The following RAI2 variants were observed in gnomAD, a reference collection of about 807,000 sequenced individuals.
The protein encoded by RAI2 is retinoic acid-induced protein 2.
In RAI2, 5 loss-of-function variants were observed where a neutral mutation model predicts 15.3. The ratio of observed to expected loss-of-function variants is 0.33; its 90% confidence interval spans 0.17 to 0.69. The LOEUF (loss-of-function observed/expected upper bound fraction) is 0.69, where lower values mean the gene tolerates loss of function less well. Ranked by LOEUF, RAI2 falls within the 30% of genes least tolerant of loss-of-function variation. The pLI, the probability that RAI2 is intolerant of heterozygous loss-of-function variation, is 0.69. For missense variants in RAI2, 424 were observed against 424.7 expected, an observed-to-expected ratio of 1.00 and a Z score of 0.01; for synonymous variants, 191 against 184.0, an observed-to-expected ratio of 1.04 and a Z score of -0.31.
Position 17,801,491 on chromosome X carries a change from G to A in RAI2, c.520C>T (p.Pro174Ser), listed in dbSNP as rs754626303. The A allele has an allele frequency of 3.8e-5, 45 of 1,179,502 alleles. No individual in the cohort carries two copies. Among genetic ancestry groups the A allele is most frequent in the Non-Finnish European group, 4.9e-5 (43 of 881,799 alleles). Residue 174 changes from proline (P) to serine (S), a missense_variant, in exon 2 of 2, where the codon CCC becomes TCC. By Grantham distance (74) the Pro-to-Ser change is moderately conservative. Transcript: ENST00000451717. Reference protein sequence around the residue: ...AQPQLLDLRIPSQPQEPTLPF... With the variant: ...AQPQLLDLRISSQPQEPTLPF... ...AAAGTGGGCTCCTGCGGCTGGCTGG[G>A]GATCCTCAGGTCCAGGAGCTGGGGC...
chrX:17,802,634 C>T (rs139682996), intron 1 of RAI2, among the ~76,000 whole-genome samples: 5 of 111,812 alleles, frequency 4.5e-5, no homozygotes, highest in East Asian at 5.7e-4. Context: ...CAGCAAAATC[C>T]GTTCCCCAGG....
intron 1 of RAI2, among the ~76,000 whole-genome samples, chrX:17,819,288 A>C (rs1442599003): frequency 1.8e-5 from 2 of 112,604 alleles, no homozygotes; most frequent in African/African-American, 6.5e-5. Context: ...TTAAAAAACA[A>C]CTAAGCAACC....
chrX:17,820,366 G>T (rs2067151083), intron 1 of RAI2, among the ~76,000 whole-genome samples: 1 of 112,125 alleles, frequency 8.9e-6, no homozygotes, highest in Admixed American at 9.4e-5. Context: ...GACAACAATT[G>T]TGCTCAACTG....
intron 1 of RAI2, among the ~76,000 whole-genome samples, chrX:17,819,569 A>C (rs2067142622): frequency 8.9e-6 from 1 of 112,734 alleles, no homozygotes; most frequent in Non-Finnish European, 1.9e-5. Context: ...TGAGAACCAC[A>C]AAATGGAAGC....
chrX:17,803,111 C>T (rs912954358), intron 1 of RAI2, among the ~76,000 whole-genome samples: 3 of 111,497 alleles, frequency 2.7e-5, no homozygotes, highest in South Asian at 3.8e-4. Flanking sequence ...TTTTTTACCT[C>T]ATCTATCCCA....
chrX:17,805,536 A>C (rs1251987451), intron 1 of RAI2, among the ~76,000 whole-genome samples: 1 of 112,401 alleles, frequency 8.9e-6, no homozygotes, highest in Non-Finnish European at 1.9e-5. Context: ...GTTGGAGGGC[A>C]TCTCAGCACC....
intron 1 of RAI2, among the ~76,000 whole-genome samples, chrX:17,803,389 G>C (rs1205552122): frequency 9.1e-6 from 1 of 110,441 alleles, no homozygotes; most frequent in Admixed American, 9.6e-5. Context: ...AGCTGGGCAT[G>C]ATGTCGCACG....
chrX:17,830,495 T>G (rs192409364), intron 1 of RAI2, among the ~76,000 whole-genome samples: 3,685 of 111,125 alleles, frequency 0.033, 147 homozygotes, highest in African/African-American at 0.11. Context: ...TTGTTTTTTT[T>G]TTGTTGTTGT....
At chrX:17,856,621 ATGCCCATGTTTTGCGGTGC>A (rs2067610323) in intron 1 of RAI2, among the ~76,000 whole-genome samples, 1 of 112,680 alleles carries the variant, frequency 8.9e-6, no homozygotes, top group Non-Finnish European at 1.9e-5. Context: ...AAGGCAGACC[ATGCCCATGTTTTGCGGTGC>A]TGCCCCACAG....
intron 1 of RAI2, chrX:17,860,682 A>G (rs1228418738): frequency 8.9e-6 from 1 of 112,002 alleles, no homozygotes. Flanking sequence ...AGAACGGCAG[A>G]TCCGGAGACT....
intron 1 of RAI2, among the ~76,000 whole-genome samples, chrX:17,811,439 C>T (rs910829943): frequency 3.6e-5 from 4 of 112,254 alleles, no homozygotes; most frequent in Non-Finnish European, 5.6e-5. Context: ...TAAAGAGCTA[C>T]GGTTTTTGGA....
chrX:17,801,963 G>A lies in RAI2; in HGVS notation c.48C>T (p.Ser16=). 1 of 1,210,561 alleles carries A rather than the reference G, an allele frequency of 8.3e-7. No individual in the cohort carries two copies. The highest frequency in any genetic ancestry group is 3.0e-5 in the East Asian group (1 of 33,820). The change falls in exon 2 of 2, where the codon TCC becomes TCT. Residue 16 remains serine, a synonymous_variant. Coordinates refer to ENST00000451717, the MANE Select transcript of RAI2 (RefSeq NM_021785.6). ...SQNLSMDMTD[S]PPALANNRLE... ...GTCTGTTATTAGCCAAGGCAGGAGG[G>A]GAGTCAGTCATGTCCATGGAGAGGT...
At chrX:17,813,744 T>A (rs2067075221) in intron 1 of RAI2, among the ~76,000 whole-genome samples, 1 of 111,502 alleles carries the variant, frequency 9.0e-6, no homozygotes, top group Admixed American at 9.5e-5. Flanking sequence ...TTTAGCAGCA[T>A]CCAAAGTTGT....
intron 1 of RAI2, among the ~76,000 whole-genome samples, chrX:17,808,425 A>G (rs2067006229): frequency 9.0e-6 from 1 of 111,265 alleles, no homozygotes; most frequent in African/African-American, 3.3e-5. Flanking sequence ...ACTTAAAAAA[A>G]AAACCATGCC....
intron 1 of RAI2, among the ~76,000 whole-genome samples, chrX:17,842,809 A>G (rs942989439): frequency 8.9e-6 from 1 of 111,935 alleles, no homozygotes; most frequent in African/African-American, 3.3e-5. Context: ...TTTTATGATC[A>G]TAGAAAAACA....
chrX:17,801,418 A>T lies in RAI2; in HGVS notation c.593T>A (p.Leu198His). 1 of 1,157,132 alleles carries T rather than the reference A, an allele frequency of 8.6e-7. No homozygotes were observed. Among genetic ancestry groups the T allele is most frequent in the Admixed American group, 2.6e-5 (1 of 37,838 alleles). The change falls in exon 2 of 2, where the codon CTC becomes CAC. Residue 198 changes from leucine to histidine, a missense_variant. Coordinates refer to ENST00000451717, the MANE Select transcript of RAI2 (RefSeq NM_021785.6). ...AGGAGGCTGACAGGGTGGGGGCCCG[A>T]GAGTGCCCTGGGAGGGAAACAAATT... is the stretch of plus-strand genomic sequence containing the variant. ...LQNLFPSQGT[L>H]GPPPCQPPPG...
intron 1 of RAI2, among the ~76,000 whole-genome samples, chrX:17,823,505 C>T (rs1454989686): frequency 6.3e-5 from 7 of 111,522 alleles, no homozygotes; most frequent in African/African-American, 9.8e-5. Flanking sequence ...GCAAGATGTG[C>T]GGTGGAACAG....
chrX:17,824,128 A>T (rs906465385), intron 1 of RAI2, among the ~76,000 whole-genome samples: 5 of 113,072 alleles, frequency 4.4e-5, no homozygotes, highest in African/African-American at 1.6e-4. Flanking sequence ...ATACAGCTGC[A>T]TAGCAAATGT....
Position 17,800,054 on chromosome X carries a change from G to A in RAI2, c.*364C>T, listed in dbSNP as rs1372338211. ...TGATGAAATACTGCAACCAATTAGT[G>A]CAAACAAACATTTATTGTGAAATAT... On this transcript the variant is annotated 3_prime_UTR_variant, in exon 2 of 2. Transcript: ENST00000451717. 3 of 145,529 alleles carry A rather than the reference G, an allele frequency of 2.1e-5. No individual in the cohort carries two copies. Among genetic ancestry groups the A allele is most frequent in the African/African-American group, 9.3e-5 (3 of 32,103 alleles). The allele number at this position is 145,529 out of a possible 1,213,427, so 12.0% of individuals were successfully genotyped here.
Sources: allele counts gnomAD v4.1 joint callset (sites outside exome capture counted in the v4.1 genomes callset), GRCh38; gene constraint gnomAD v4.1.1; transcripts MANE v1.5; gene names NCBI Gene and HGNC (gene_info 2026-07-23, HGNC 2026-07-21).